TENM2: variants seen among roughly 807,000 people sequenced by gnomAD.
The protein encoded by TENM2 is teneurin transmembrane protein 2.
A neutral mutation model predicts 245.2 loss-of-function variants in TENM2; 52 were observed. The observed-to-expected ratio is 0.21, with a 90% CI of 0.17 to 0.27. TENM2 has a LOEUF of 0.27. Ranked by LOEUF, TENM2 falls within the 10% of genes least tolerant of loss-of-function variation. TENM2 has a pLI of 1.00. For missense variants in TENM2, 3,046 were observed against 3,666.8 expected, an observed-to-expected ratio of 0.83 and a Z score of 4.37; for synonymous variants, 1,363 against 1,438.9, an observed-to-expected ratio of 0.95 and a Z score of 1.19.
At chr5:167,576,398 T>G (rs2127671484) in intron 2 of TENM2, among the ~76,000 whole-genome samples, 1 of 152,190 alleles carries the variant, frequency 6.6e-6, no homozygotes, top group Non-Finnish European at 1.5e-5. Flanking sequence ...AAAAGATTCT[T>G]CTCCCCAAAC....
In TENM2 at chr5:167,911,333, T is replaced by C. The variant is rs181566880; in HGVS notation, c.712+35138T>C. On this transcript the variant is annotated intron_variant, in intron 3 of 28. Transcript: ENST00000518659. ...TGAGGTCAGGAGATCGAGACCAACC[T>C]GGCTAACACGGTGAAACCCCGTCTC... Among the ~76,000 whole-genome samples, 22 of 152,192 alleles carry C rather than the reference T, an allele frequency of 1.4e-4. No individual in the cohort carries two copies. The East Asian group carries it at 3.1e-3, about 21-fold the overall frequency.
chr5:167,205,635 A>T, the TENM2 span, among the ~76,000 whole-genome samples: 1 of 152,290 alleles, frequency 6.6e-6, no homozygotes, highest in East Asian at 1.9e-4. Context: ...GCTGCTTAAC[A>T]AAATTACCCC....
chr5:167,237,383 C>A, the TENM2 span, among the ~76,000 whole-genome samples: 2 of 152,190 alleles, frequency 1.3e-5, no homozygotes, highest in Admixed American at 1.3e-4. Flanking sequence ...GGAATACTTG[C>A]TGGCCACATT....
chr5:167,783,621 C>G (rs12657597), intron 2 of TENM2, among the ~76,000 whole-genome samples: 2,320 of 152,318 alleles, frequency 0.015, 63 homozygotes, highest in East Asian at 0.12. Context: ...ATTAGCCCAG[C>G]CTCTTCCTCT....
At chr5:167,383,756 G>T (rs207466603) in intron 2 of TENM2, among the ~76,000 whole-genome samples, 7 of 144,950 alleles carry the variant, frequency 4.8e-5, no homozygotes, top group Non-Finnish European at 6.0e-5. Flanking sequence ...AAAAACTTCC[G>T]TATAAATGTA....
the TENM2 span, among the ~76,000 whole-genome samples, chr5:167,074,385 A>G: frequency 3.2e-4 from 48 of 152,176 alleles, no homozygotes; most frequent in Non-Finnish European, 6.0e-4. Flanking sequence ...GGAAGTAGAA[A>G]CGGTGGTAAG....
intron 2 of TENM2, among the ~76,000 whole-genome samples, chr5:167,776,763 G>C (rs1763833701): frequency 6.6e-6 from 1 of 151,544 alleles, no homozygotes; most frequent in South Asian, 2.1e-4. Flanking sequence ...ACTCCCATTA[G>C]GCAGCATCTA....
chr5:167,201,049 C>A, the TENM2 span, among the ~76,000 whole-genome samples: 1 of 152,274 alleles, frequency 6.6e-6, no homozygotes, highest in South Asian at 2.1e-4. Flanking sequence ...TGCCTGCCAA[C>A]TTCATGTCTT....
the TENM2 span, among the ~76,000 whole-genome samples, chr5:167,261,296 A>G: frequency 0.46 from 69,239 of 151,824 alleles, 16,543 homozygotes; most frequent in Middle Eastern, 0.68. Flanking sequence ...TTTGCCACTT[A>G]CTGCTTGTGT....
intron 2 of TENM2, among the ~76,000 whole-genome samples, chr5:167,845,523 G>A (rs1769966922): frequency 6.6e-6 from 1 of 152,028 alleles, no homozygotes; most frequent in Admixed American, 6.6e-5. Context: ...ACTTTGTACA[G>A]ACCCCTTTAA....
chr5:167,169,192 G>A, the TENM2 span, among the ~76,000 whole-genome samples: 1 of 152,150 alleles, frequency 6.6e-6, no homozygotes, highest in Non-Finnish European at 1.5e-5. Flanking sequence ...TGGCAGAGGA[G>A]TGGGGTTTAA....
rs116399065 is a variant in TENM2 at position 167,462,554 on chromosome 5, C to T, written c.502+87081C>T. Among the ~76,000 whole-genome samples, 716 of 152,146 alleles carry T rather than the reference C, an allele frequency of 4.7e-3. 9 individuals are homozygous for T. Among genetic ancestry groups the T allele is most frequent in the Non-Finnish European group, 5.9e-3 (400 of 68,026 alleles). On this transcript the variant is annotated intron_variant, in intron 2 of 28. Coordinates refer to ENST00000518659, the Ensembl canonical transcript of TENM2. ...TGCCAATGGAGATGACTTTCAGCCA[C>T]GACTGGGATGGATGGGGAGCTGGAA...
At chr5:167,175,861 C>T in the TENM2 span, among the ~76,000 whole-genome samples, 17 of 152,290 alleles carry the variant, frequency 1.1e-4, no homozygotes, top group Admixed American at 1.1e-3. Flanking sequence ...AGGCGCGTGC[C>T]GTGACACACG....
chr5:167,913,497 C>T (rs2151592344), intron 3 of TENM2, among the ~76,000 whole-genome samples: 1 of 152,302 alleles, frequency 6.6e-6, no homozygotes, highest in South Asian at 2.1e-4. Context: ...AACATGTTCC[C>T]ATTTCTCAAT....
intron 2 of TENM2, among the ~76,000 whole-genome samples, chr5:167,743,166 G>C (rs1761312961): frequency 6.6e-6 from 1 of 152,160 alleles, no homozygotes; most frequent in South Asian, 2.1e-4. Flanking sequence ...GAGCAGCTGA[G>C]GCTAGAGTGT....
At chr5:168,097,606 G>C (rs989046890) in intron 8 of TENM2, among the ~76,000 whole-genome samples, 1 of 5,156 alleles carries the variant, frequency 1.9e-4, no homozygotes, top group East Asian at 0.028. Flanking sequence ...GTGTGTGCGT[G>C]TGTGTGTGTG....
chr5:167,451,809 C>G (rs528934244), intron 2 of TENM2, among the ~76,000 whole-genome samples: 1 of 152,016 alleles, frequency 6.6e-6, no homozygotes, highest in Non-Finnish European at 1.5e-5. Flanking sequence ...CCACCACGCC[C>G]GGCTAATTTT....
intron 2 of TENM2, among the ~76,000 whole-genome samples, chr5:167,392,293 G>A (rs2127365186): frequency 6.6e-6 from 1 of 152,250 alleles, no homozygotes; most frequent in South Asian, 2.1e-4. Context: ...CTGGACCGTA[G>A]GATGTCCACG....
At chr5:167,199,099 A>T in the TENM2 span, among the ~76,000 whole-genome samples, 79 of 108,582 alleles carry the variant, frequency 7.3e-4, no homozygotes, top group African/African-American at 2.3e-3. Flanking sequence ...ATATGAAGTA[A>T]AAAAAAAAAA....
Sources: gnomAD v4.1 joint callset for allele counts (sites outside exome capture counted in the v4.1 genomes callset) on GRCh38, gnomAD v4.1.1 for gene constraint, MANE v1.5 for transcripts, NCBI Gene and HGNC (gene_info 2026-07-23, HGNC 2026-07-21) for gene names.